The following MINK1 variants were observed in gnomAD, a reference collection of about 807,000 sequenced individuals.
MINK1 encodes the protein misshapen like kinase 1.
MINK1 carries 46 observed loss-of-function variants against 178.4 expected under a neutral mutation model. The ratio of observed to expected loss-of-function variants is 0.26; its 90% confidence interval spans 0.20 to 0.33. MINK1 has a LOEUF of 0.33. Ranked by LOEUF, MINK1 falls within the 10% of genes least tolerant of loss-of-function variation. The pLI is 1.00. For synonymous variants in MINK1, 797 were observed against 709.7 expected (o/e 1.12, Z -1.96); for missense variants, 1,366 against 1,814.9 (o/e 0.75, Z 4.49).
At chr17:4,845,752 C>T (rs1048616593) in intron 1 of MINK1, among the ~76,000 whole-genome samples, 9 of 152,080 alleles carry the variant, frequency 5.9e-5, no homozygotes, top group Admixed American at 4.6e-4. Flanking sequence ...TCTCCTGCCT[C>T]AGCCTCCCAA....
At chr17:4,883,387 G>A (rs1484021963) in intron 4 of MINK1, 1 of 137,442 alleles carries the variant, frequency 7.3e-6, no homozygotes, top group African/African-American at 2.7e-5. Context: ...TGTATTTTTA[G>A]TAGAGATGGG....
Position 4,887,039 on chromosome 17 carries a change from C to G in MINK1, c.950-71C>G. The G allele has an allele frequency of 6.7e-7, 1 of 1,500,182 alleles. No homozygotes were observed. Among genetic ancestry groups the G allele is most frequent in the South Asian group, 1.2e-5 (1 of 82,720 alleles). 92.9% of individuals were successfully genotyped at this position (1,500,182 alleles called of 1,614,324 possible). A position where few individuals can be genotyped will look rare whatever the true frequency, so the allele number is the denominator to read the frequency against. On this transcript the variant is annotated intron_variant, in intron 10 of 31. Coordinates refer to ENST00000355280, the MANE Select transcript of MINK1 (RefSeq NM_153827.5). This position sits in a 1 kb window ranked among gnomAD's most constrained non-coding sequence, Gnocchi z 7.6. ...AGCCAGAGAGACCTGGTTATCCCCA[C>G]CCAAGGTTTCCCTAGCCCACGGCGG...
intron 1 of MINK1, among the ~76,000 whole-genome samples, chr17:4,846,424 A>AC (rs1383229467): frequency 2.0e-5 from 3 of 152,168 alleles, no homozygotes; most frequent in Non-Finnish European, 4.4e-5. Context: ...TCTAAAGCGT[A>AC]CTTTTTTCTT....
chr17:4,887,037 C>A lies in MINK1; in HGVS notation c.950-73C>A. On this transcript the variant is annotated intron_variant, in intron 10 of 31. Transcript: ENST00000355280. The surrounding 1 kb of genome is among the most constrained non-coding windows in gnomAD (Gnocchi z 7.6). ...CCAGCCAGAGAGACCTGGTTATCCC[C>A]ACCCAAGGTTTCCCTAGCCCACGGC... The A allele has an allele frequency of 6.7e-7, 1 of 1,487,984 alleles. No individual in the cohort carries two copies. The highest frequency in any genetic ancestry group is 1.2e-5 in the South Asian group (1 of 82,380). 92.2% of individuals were successfully genotyped at this position (1,487,984 alleles called of 1,614,324 possible).
chr17:4,894,466 G>A lies in MINK1; in HGVS notation c.2809-59G>A. On this transcript the variant is annotated intron_variant, in intron 23 of 31. Coordinates refer to ENST00000355280, the MANE Select transcript of MINK1 (RefSeq NM_153827.5). This position sits in a 1 kb window ranked among gnomAD's most constrained non-coding sequence, Gnocchi z 4.1. Reference sequence around the variant, plus strand: ...AGCTGGAGCCTGGGGAACAGCAGCAGGGGCAGGGCCGCAGCTGGACTTGCA... The same window carrying A: ...AGCTGGAGCCTGGGGAACAGCAGCAAGGGCAGGGCCGCAGCTGGACTTGCA... 1 of 1,523,958 alleles carries A rather than the reference G, an allele frequency of 6.6e-7. No individual in the cohort carries two copies. Among genetic ancestry groups the A allele is most frequent in the Non-Finnish European group, 8.9e-7 (1 of 1,120,790 alleles). 94.4% of individuals were successfully genotyped at this position (1,523,958 alleles called of 1,614,324 possible).
chr17:4,864,935 C>T (rs1372423368), intron 1 of MINK1, among the ~76,000 whole-genome samples: 3 of 152,136 alleles, frequency 2.0e-5, no homozygotes, highest in African/African-American at 7.2e-5. Flanking sequence ...TCCCCAGCCT[C>T]GGTCAGGTGT....
intron 1 of MINK1, chr17:4,847,258 A>ATTCG (rs765911971): frequency 1.7e-5 from 8 of 457,992 alleles, no homozygotes; most frequent in Admixed American, 7.0e-5. Flanking sequence ...TCATTCATTC[A>ATTCG]TTCATTCAGA....
intron 1 of MINK1, among the ~76,000 whole-genome samples, chr17:4,854,329 C>G (rs1912674232): frequency 6.6e-6 from 1 of 152,190 alleles, no homozygotes; most frequent in African/African-American, 2.4e-5. Context: ...GTGAAGACCT[C>G]CAGGCTGAGT....
In MINK1 at chr17:4,833,537, C is replaced by G. The variant is rs762990454; in HGVS notation, c.-47C>G. On this transcript the variant is annotated 5_prime_UTR_variant, in exon 1 of 32. Coordinates refer to ENST00000355280, the MANE Select transcript of MINK1 (RefSeq NM_153827.5). The surrounding 1 kb of genome is among the most constrained non-coding windows in gnomAD (Gnocchi z 4.8). ...GCGGCGACGGCGGCAGTGGAGTAAC[C>G]GAGCCGGAGCGTGAGCGGCCCCGGT... 1 of 1,458,274 alleles carries G rather than the reference C, an allele frequency of 6.9e-7. No individual in the cohort carries two copies. The highest frequency in any genetic ancestry group is 9.1e-7 in the Non-Finnish European group (1 of 1,096,528). The allele number at this position is 1,458,274 out of a possible 1,614,324, so 90.3% of individuals were successfully genotyped here.
In MINK1 at chr17:4,883,966, G is replaced by A. The variant is rs143386962; in HGVS notation, c.307-397G>A. The stretch of plus-strand genomic sequence containing the variant: ...TTGTTTACAGTTTCAGGGATTCCTT[G>A]GACTCCTACTCTAAACCCAGCCCCA... On this transcript the variant is annotated intron_variant, in intron 4 of 31. Transcript: ENST00000355280. 4.0e-3 allele frequency among the ~76,000 whole-genome samples: 610 copies of A among 151,690 alleles called. 5 individuals carry two copies. The highest frequency in any genetic ancestry group is 0.013 in the African/African-American group (536 of 41,362).
chr17:4,893,810 T>G (rs1254936787), intron 21 of MINK1, 178 bp from the exon 22 acceptor site: 9 of 863,932 alleles, frequency 1.0e-5, no homozygotes, highest in African/African-American at 1.7e-5. Context: ...TGTGCCAGCC[T>G]GCCCTGTGTG....
rs370577370 is a variant in MINK1 at position 4,854,806 on chromosome 17, A to C, written c.57+21166A>C. On this transcript the variant is annotated intron_variant, in intron 1 of 31. Coordinates refer to ENST00000355280, the MANE Select transcript of MINK1 (RefSeq NM_153827.5). ...CTTCACGTTGTGGATTCAGAATAAA[A>C]AGATCCGGTTGAGTTCCACAGTGTG... The C allele has an allele frequency of 1.5e-4, 73 of 484,084 alleles. No individual in the cohort carries two copies. In the East Asian group the frequency reaches 2.1e-3, roughly 14 times the overall value. The allele number at this position is 484,084 out of a possible 1,614,324, so 30.0% of individuals were successfully genotyped here. A position where few individuals can be genotyped will look rare whatever the true frequency, so the allele number is the denominator to read the frequency against.
rs767381198 is a variant in MINK1 at position 4,868,891 on chromosome 17, A to T, written c.58-9426A>T. 27 of 297,824 alleles carry T rather than the reference A, an allele frequency of 9.1e-5. 1 individual carries two copies. The highest frequency in any genetic ancestry group is 6.6e-4 in the South Asian group (27 of 40,886). The allele number at this position is 297,824 out of a possible 1,614,324, so 18.4% of individuals were successfully genotyped here. On this transcript the variant is annotated intron_variant, in intron 1 of 31. Transcript: ENST00000355280. ...CAGCCTCCTAAGTAGCTGGAAGCACAGGTGCACACTGCCACACCTGGCTAA... is the reference window on the plus strand; with the variant it reads ...CAGCCTCCTAAGTAGCTGGAAGCACTGGTGCACACTGCCACACCTGGCTAA...
At chr17:4,874,416 T>C (rs1023955745) in intron 1 of MINK1, among the ~76,000 whole-genome samples, 2 of 152,212 alleles carry the variant, frequency 1.3e-5, no homozygotes, top group African/African-American at 2.4e-5. Flanking sequence ...TCTCTAAGCA[T>C]TGGGGAGCCC....
chr17:4,878,987 C>A lies in MINK1; in HGVS notation c.123+605C>A, dbSNP rs1396919672. Among the ~76,000 whole-genome samples, 5 of 152,208 alleles carry A rather than the reference C, an allele frequency of 3.3e-5. No individual in the cohort carries two copies. In the East Asian group the frequency reaches 9.6e-4, roughly 29 times the overall value. On this transcript the variant is annotated intron_variant, in intron 2 of 31. Transcript: ENST00000355280. ...CACACTTGGATGGGGGGAGCCACTC[C>A]AGCGGGGAGTAAGGTGGCCTGACCA...
At chr17:4,890,278 A>G (rs1968658348) in intron 13 of MINK1, 2 of 1,368,204 alleles carry the variant, frequency 1.5e-6, no homozygotes, top group South Asian at 1.6e-5. Flanking sequence ...TCCTTCAGCA[A>G]CAGCTGCTCC....
rs752399585 is a variant in MINK1 at position 4,887,684 on chromosome 17, TGCAGCAGCAGCA to T, written c.1130_1141del (p.Gln377_Gln380del). The T allele has an allele frequency of 1.9e-5, 30 of 1,560,978 alleles. No individual in the cohort carries two copies. The highest frequency in any genetic ancestry group is 2.6e-5 in the Non-Finnish European group (30 of 1,154,362). On this transcript the variant is annotated inframe_deletion, in exon 12 of 32. Coordinates refer to ENST00000355280, the MANE Select transcript of MINK1 (RefSeq NM_153827.5). The surrounding 1 kb of genome is among the most constrained non-coding windows in gnomAD (Gnocchi z 7.6). ...GAGGCTTTAAAACAGCAGCAGCAGC[TGCAGCAGCAGCA>T]GCAGCGAGACCCCGAGGCACACATC...
intron 1 of MINK1, among the ~76,000 whole-genome samples, chr17:4,862,830 A>G (rs188952408): frequency 1.2e-3 from 188 of 152,206 alleles, no homozygotes; most frequent in Non-Finnish European, 1.6e-3. Context: ...CCAGGAGTTC[A>G]ATACCAGCCT....
At position 4,885,717 on chromosome 17, in the gene MINK1, G is replaced by A. The variant is rs1005829932; in HGVS notation, c.639+104G>A. On this transcript the variant is annotated intron_variant, in intron 7 of 31. Transcript: ENST00000355280. The surrounding 1 kb of genome is among the most constrained non-coding windows in gnomAD (Gnocchi z 5.0). ...GGGGAACAGAGGAAGGTCAGATGAT[G>A]TTAGCAGTGAGGGGCTGGGGAACAT... is the stretch of plus-strand genomic sequence containing the variant. 1 of 1,514,538 alleles carries A rather than the reference G, an allele frequency of 6.6e-7. No individual in the cohort carries two copies. The highest frequency in any genetic ancestry group is 1.9e-5 in the Admixed American group (1 of 53,954). 93.8% of individuals were successfully genotyped at this position (1,514,538 alleles called of 1,614,324 possible).
Sources: gnomAD v4.1 joint callset for allele counts (sites outside exome capture counted in the v4.1 genomes callset) on GRCh38, gnomAD v4.1.1 for gene constraint, Gnocchi (gnomAD v3.1) non-coding constraint, MANE v1.5 for transcripts, NCBI Gene and HGNC (gene_info 2026-07-23, HGNC 2026-07-21) for gene names.